The following CTNNA3 variants were observed in gnomAD, a reference collection of about 807,000 sequenced individuals.
The protein encoded by CTNNA3 is catenin alpha 3.
Under a neutral mutation model 95.7 loss-of-function variants are expected in CTNNA3, and 76 were observed. That is an observed-to-expected ratio of 0.79 (90% CI 0.66 to 0.96). The LOEUF is 0.96. Among genes scored for constraint, CTNNA3 ranks in the 40% least tolerant of loss-of-function variants. CTNNA3 has a pLI of 0.00. For synonymous variants in CTNNA3, 431 were observed against 374.4 expected (o/e 1.15, Z -1.74); for missense variants, 1,191 against 1,089.8 (o/e 1.09, Z -1.31).
rs80289000 is a variant in CTNNA3 at position 66,958,484 on chromosome 10, T to C, written c.1048-182960A>G. Among the ~76,000 whole-genome samples, 3,562 of 152,016 alleles carry C rather than the reference T, an allele frequency of 0.023. 378 individuals are homozygous for C. In the East Asian group the frequency reaches 0.27, roughly 11 times the overall value. Reference sequence around the variant, plus strand: ...GCTTTTTTTTTTAAAAAAAATAGCATATAGCTCAGATTATTAGCTATCTCT... The same window carrying C: ...GCTTTTTTTTTTAAAAAAAATAGCACATAGCTCAGATTATTAGCTATCTCT... On this transcript the variant is annotated intron_variant, in intron 7 of 17. Coordinates refer to ENST00000433211, the MANE Select transcript of CTNNA3 (RefSeq NM_013266.4).
At chr10:66,822,601 C>T (rs1041555883) in intron 7 of CTNNA3, among the ~76,000 whole-genome samples, 3 of 152,104 alleles carry the variant, frequency 2.0e-5, no homozygotes, top group African/African-American at 4.8e-5. Context: ...AAAGTTCTGG[C>T]GACACTTCCA....
chr10:65,980,349 A>C (rs1190426666), intron 16 of CTNNA3, among the ~76,000 whole-genome samples: 2 of 151,870 alleles, frequency 1.3e-5, no homozygotes, highest in Non-Finnish European at 2.9e-5. Flanking sequence ...TGCCAACAAC[A>C]ACAACAAAAA....
At chr10:66,069,806 A>C (rs754120608) in intron 14 of CTNNA3, among the ~76,000 whole-genome samples, 9 of 152,164 alleles carry the variant, frequency 5.9e-5, no homozygotes, top group Non-Finnish European at 4.4e-5. Flanking sequence ...TTTTAAATTA[A>C]CATCAATTTA....
At chr10:66,575,806 C>T (rs1323710765) in intron 10 of CTNNA3, among the ~76,000 whole-genome samples, 1 of 152,102 alleles carries the variant, frequency 6.6e-6, no homozygotes, top group African/African-American at 2.4e-5. Context: ...ATTTCTAAGC[C>T]TCTTGCCATT....
At chr10:66,935,644 A>T (rs993385043) in intron 7 of CTNNA3, among the ~76,000 whole-genome samples, 37 of 151,690 alleles carry the variant, frequency 2.4e-4, no homozygotes, top group Non-Finnish European at 4.4e-5. Context: ...ATATATATAT[A>T]TTTTCCTATT....
intron 5 of CTNNA3, among the ~76,000 whole-genome samples, chr10:67,459,951 T>G (rs1169640732): frequency 6.6e-6 from 1 of 152,180 alleles, no homozygotes; most frequent in African/African-American, 2.4e-5. Context: ...TTAACTTTCA[T>G]TTTTATGACT....
chr10:66,379,130 C>A, intron 12 of CTNNA3, 22 bp downstream of exon 12: 2 of 1,571,146 alleles, frequency 1.3e-6, no homozygotes, highest in South Asian at 1.1e-5. Context: ...AATTGTGCAG[C>A]TGTTATTGGC....
At chr10:67,039,962 T>TG (rs1365634802) in intron 7 of CTNNA3, among the ~76,000 whole-genome samples, 3 of 152,160 alleles carry the variant, frequency 2.0e-5, no homozygotes, top group Non-Finnish European at 4.4e-5. Context: ...ATTAGCTGTC[T>TG]GGGGGTTACC....
intron 7 of CTNNA3, among the ~76,000 whole-genome samples, chr10:67,137,605 T>C (rs1860360380): frequency 6.6e-6 from 1 of 152,220 alleles, no homozygotes; most frequent in African/African-American, 2.4e-5. Flanking sequence ...TGTCTCATTC[T>C]CACAACCAAT....
intron 5 of CTNNA3, among the ~76,000 whole-genome samples, chr10:67,423,256 A>G (rs76638134): frequency 0.017 from 2,659 of 152,256 alleles, 85 homozygotes; most frequent in African/African-American, 0.059. Flanking sequence ...AATGCTGTCA[A>G]TATTTTCACT....
intron 12 of CTNNA3, among the ~76,000 whole-genome samples, chr10:66,330,297 C>T (rs1403279817): frequency 6.7e-6 from 1 of 149,078 alleles, no homozygotes; most frequent in Non-Finnish European, 1.5e-5. Context: ...TCAATTCCTA[C>T]CTATGAGTGA....
At chr10:66,099,584 C>T (rs745907512) in intron 14 of CTNNA3, among the ~76,000 whole-genome samples, 6 of 152,078 alleles carry the variant, frequency 3.9e-5, no homozygotes, top group Non-Finnish European at 8.8e-5. Flanking sequence ...TTTTCCTTGG[C>T]CATCTGTCTC....
At chr10:66,452,884 C>G (rs1006231599) in intron 11 of CTNNA3, among the ~76,000 whole-genome samples, 5 of 151,998 alleles carry the variant, frequency 3.3e-5, no homozygotes, top group Non-Finnish European at 7.4e-5. Flanking sequence ...CAGCATTCCC[C>G]ATCCCCTAGC....
At chr10:67,398,791 T>C (rs2132797582) in intron 5 of CTNNA3, among the ~76,000 whole-genome samples, 1 of 152,296 alleles carries the variant, frequency 6.6e-6, no homozygotes, top group South Asian at 2.1e-4. Context: ...GAGTGAGTTC[T>C]CATGAGATCT....
At chr10:67,022,171 G>T (rs978964787) in intron 7 of CTNNA3, among the ~76,000 whole-genome samples, 2 of 152,086 alleles carry the variant, frequency 1.3e-5, no homozygotes, top group African/African-American at 4.8e-5. Context: ...AACAAGAAGA[G>T]AAGACAACTT....
intron 15 of CTNNA3, among the ~76,000 whole-genome samples, chr10:66,048,363 T>A (rs1377570714): frequency 6.6e-6 from 1 of 151,972 alleles, no homozygotes; most frequent in South Asian, 2.1e-4. Flanking sequence ...CTGACAAAAA[T>A]AAGCAATGGG....
At chr10:67,747,203 C>G (rs1047318838) in intron 1 of CTNNA3, among the ~76,000 whole-genome samples, 5 of 152,192 alleles carry the variant, frequency 3.3e-5, no homozygotes, top group African/African-American at 9.7e-5. Context: ...TTTCCTTCCG[C>G]TAGCTCTGAG....
chr10:65,939,224 G>A (rs2077390444), intron 17 of CTNNA3, among the ~76,000 whole-genome samples: 1 of 152,126 alleles, frequency 6.6e-6, no homozygotes, highest in African/African-American at 2.4e-5. Context: ...CTTTTCAGCT[G>A]TAAATTGAGA....
At chr10:66,026,048 T>A (rs16922366) in intron 15 of CTNNA3, among the ~76,000 whole-genome samples, 1,980 of 152,288 alleles carry the variant, frequency 0.013, 126 homozygotes, top group Admixed American at 0.1. Flanking sequence ...CTGTTTTGAA[T>A]TTTTGAGAGC....
Sources: allele counts gnomAD v4.1 joint callset (sites outside exome capture counted in the v4.1 genomes callset), GRCh38; gene constraint gnomAD v4.1.1; transcripts MANE v1.5; gene names NCBI Gene and HGNC (gene_info 2026-07-23, HGNC 2026-07-21).